The following CLPSL1 variants were observed in gnomAD, a reference collection of about 807,000 sequenced individuals.
CLPSL1 encodes colipase like 1, also known as colipase-like protein 1.
Under a neutral mutation model 9.3 loss-of-function variants are expected in CLPSL1, and 13 were observed. The ratio of observed to expected loss-of-function variants is 1.40; its 90% confidence interval spans 0.91 to 2.22. The LOEUF is 2.22. Ranked by LOEUF, CLPSL1 falls within the 30% of genes most tolerant of loss-of-function variation. The pLI is 0.00. For synonymous variants in CLPSL1, 58 were observed against 56.9 expected, an observed-to-expected ratio of 1.02 and a Z score of -0.08; for missense variants, 164 against 146.6, an observed-to-expected ratio of 1.12 and a Z score of -0.61.
rs763971016 is a variant in CLPSL1, at chr6:35,781,214, G to A, written c.99+5G>A. ...CCAACAAAATACAACCTTTTGGTAA[G>A]AAAGCTGGAGAGTGCAGTCACCTCC... On this transcript the variant is annotated splice_donor_5th_base_variant and intron_variant, in intron 1 of 2. Transcript: ENST00000373861. 9 of 1,613,190 alleles carry A rather than the reference G, an allele frequency of 5.6e-6. No homozygotes were observed. The East Asian group carries it at 2.0e-4, about 36-fold the overall frequency.
chr6:35,791,955 A>C (rs1450349568), downstream of CLPSL1, among the ~76,000 whole-genome samples: 2 of 151,276 alleles, frequency 1.3e-5, no homozygotes, highest in East Asian at 3.9e-4. Flanking sequence ...ACGTGGTGGC[A>C]TGTGCCTGTA....
intron 1 of CLPSL1, among the ~76,000 whole-genome samples, chr6:35,793,300 C>T (rs1461388920): frequency 9.2e-5 from 14 of 152,346 alleles, no homozygotes; most frequent in African/African-American, 3.4e-4. Flanking sequence ...TGGCAGGCGC[C>T]TGTAGTCCCA....
At chr6:35,792,702 G>A (rs952207587), downstream of CLPSL1, among the ~76,000 whole-genome samples, 10 of 152,264 alleles carry the variant, frequency 6.6e-5, no homozygotes, top group Non-Finnish European at 1.3e-4. Context: ...CACTTTTGAA[G>A]ACCAGGGACA....
intron 1 of CLPSL1, chr6:35,793,425 CAAAAAAAA>C (rs10642987): frequency 2.5e-6 from 1 of 406,892 alleles, no homozygotes. Flanking sequence ...AACTCTGTCT[CAAAAAAAA>C]AAAAAAAAAG....
chr6:35,787,156 C>A (rs1263192099), intron 2 of CLPSL1, 36 bp downstream of exon 2: 1 of 1,606,264 alleles, frequency 6.2e-7, no homozygotes, highest in Non-Finnish European at 8.5e-7. Flanking sequence ...CAGAGGGGAT[C>A]CAGGGGAAGT....
chr6:35,787,803 C>T, intron 2 of CLPSL1, 64 bp from the exon 3 acceptor site: 1 of 1,521,304 alleles, frequency 6.6e-7, no homozygotes, highest in Non-Finnish European at 9.0e-7. Context: ...CTGGGCTGGG[C>T]TGGGCTTAGG....
chr6:35,781,691 A>C (rs999460311), intron 1 of CLPSL1, among the ~76,000 whole-genome samples: 1 of 149,564 alleles, frequency 6.7e-6, no homozygotes, highest in African/African-American at 2.5e-5. Flanking sequence ...ATAAGAATCG[A>C]GCTGTGGGAG....
downstream of CLPSL1, among the ~76,000 whole-genome samples, chr6:35,788,475 G>C (rs1768132641): frequency 6.6e-6 from 1 of 152,262 alleles, no homozygotes; most frequent in African/African-American, 2.4e-5. Flanking sequence ...AAGAATTGAG[G>C]ATGTTTATTG....
chr6:35,793,442 A>G (rs1006988812), intron 1 of CLPSL1: 9 of 450,736 alleles, frequency 2.0e-5, no homozygotes, highest in East Asian at 7.0e-5. Flanking sequence ...AAAAAAAAAA[A>G]GGGTATGCAA....
At chr6:35,789,910 T>C (rs1230106008), downstream of CLPSL1, among the ~76,000 whole-genome samples, 8 of 150,132 alleles carry the variant, frequency 5.3e-5, no homozygotes, top group Non-Finnish European at 1.0e-4. Flanking sequence ...AAAAATTAAT[T>C]TGAGGAAATT....
At chr6:35,785,166 C>T (rs1768043485) in intron 1 of CLPSL1, among the ~76,000 whole-genome samples, 1 of 145,448 alleles carries the variant, frequency 6.9e-6, no homozygotes, top group Non-Finnish European at 1.5e-5. Context: ...TGGAGTGTGC[C>T]CCTGGAAATT....
chr6:35,785,203 A>G (rs1768045004), intron 1 of CLPSL1, among the ~76,000 whole-genome samples: 2 of 129,292 alleles, frequency 1.5e-5, no homozygotes, highest in African/African-American at 3.0e-5. Context: ...TTTGAGACAG[A>G]GTCTCGCTTT....
At chr6:35,791,883 C>T (rs1768217855), downstream of CLPSL1, among the ~76,000 whole-genome samples, 1 of 152,096 alleles carries the variant, frequency 6.6e-6, no homozygotes, top group Non-Finnish European at 1.5e-5. Context: ...GCCTGGGCAA[C>T]ATGGTGAAAC....
exon 2 of CLPSL1, chr6:35,793,532 G>T (rs574520535): frequency 4.2e-6 from 2 of 471,728 alleles, no homozygotes; most frequent in African/African-American, 4.0e-5. Context: ...CGGTGAGAAC[G>T]TGAAGTCATG....
intron 1 of CLPSL1, among the ~76,000 whole-genome samples, chr6:35,785,064 G>A (rs916616237): frequency 1.3e-5 from 2 of 152,066 alleles, no homozygotes; most frequent in Non-Finnish European, 2.9e-5. Flanking sequence ...GACCACATGC[G>A]CAGTGTCCTC....
chr6:35,793,723 T>G, downstream of CLPSL1: 1 of 398,170 alleles, frequency 2.5e-6, no homozygotes, highest in South Asian at 1.9e-5. Flanking sequence ...TCCTAACTCA[T>G]AAGCCTGTGG....
intron 1 of CLPSL1, among the ~76,000 whole-genome samples, chr6:35,783,806 CAAA>C (rs778575275): frequency 3.8e-5 from 4 of 106,070 alleles, no homozygotes; most frequent in East Asian, 2.6e-4. Context: ...ACTCTATCTC[CAAA>C]AAAAAAAAAA....
At chr6:35,792,444 T>C (rs1768239419), downstream of CLPSL1, among the ~76,000 whole-genome samples, 1 of 152,290 alleles carries the variant, frequency 6.6e-6, no homozygotes, top group Non-Finnish European at 1.5e-5. Context: ...GATGTTCTAC[T>C]GAATGCATAT....
chr6:35,785,063 C>T (rs1301184480), intron 1 of CLPSL1, among the ~76,000 whole-genome samples: 2 of 152,030 alleles, frequency 1.3e-5, no homozygotes, highest in East Asian at 1.9e-4. Context: ...TGACCACATG[C>T]GCAGTGTCCT....
Sources: gnomAD v4.1 joint callset for allele counts (sites outside exome capture counted in the v4.1 genomes callset) on GRCh38, gnomAD v4.1.1 for gene constraint, MANE v1.5 for transcripts, NCBI Gene and HGNC (gene_info 2026-07-23, HGNC 2026-07-21) for gene names.